Variants in MEIS1 observed in about 807,000 individuals in gnomAD.
The protein encoded by MEIS1 is homeobox protein Meis1.
In MEIS1, 5 loss-of-function variants were observed where a neutral mutation model predicts 50.8. The ratio of observed to expected loss-of-function variants is 0.10; its 90% CI spans 0.05 to 0.21. The LOEUF is 0.21. Ranked by LOEUF, MEIS1 falls within the 10% of genes least tolerant of loss-of-function variation. MEIS1 has a pLI of 1.00. For synonymous variants in MEIS1, 176 were observed against 179.3 expected (o/e 0.98, Z 0.15); for missense variants, 318 against 517.3 (o/e 0.61, Z 3.74).
intron 8 of MEIS1, among the ~76,000 whole-genome samples, chr2:66,519,612 T>C (rs1383434129): frequency 6.6e-6 from 1 of 152,220 alleles, no homozygotes; most frequent in African/African-American, 2.4e-5. Context: ...TTTTTAGTCC[T>C]TGTTTTTCAT....
rs1460523883 is a variant in MEIS1 at position 66,573,735 on chromosome 2, T to C, written c.*2527T>C. ...TAGATGGGATTGTTTAAATCTCCCT[T>C]GTTGACCTAGTGGCAATTCTTCCTC... On this transcript the variant is annotated 3_prime_UTR_variant, in exon 13 of 13. Coordinates refer to ENST00000272369, the MANE Select transcript of MEIS1 (RefSeq NM_002398.3). 1.3e-5 allele frequency: 2 copies of C among 152,218 alleles called. No individual in the cohort carries two copies. The highest frequency in any genetic ancestry group is 2.9e-5 in the Non-Finnish European group (2 of 68,046). The allele number at this position is 152,218 out of a possible 1,614,324, so 9.4% of individuals were successfully genotyped here.
At chr2:66,446,279 G>C (rs145653325) in intron 6 of MEIS1, among the ~76,000 whole-genome samples, 3 of 152,330 alleles carry the variant, frequency 2.0e-5, no homozygotes, top group Non-Finnish European at 2.9e-5. Flanking sequence ...TGGCCACCCA[G>C]TTGCTAGACT....
intron 6 of MEIS1, among the ~76,000 whole-genome samples, chr2:66,453,591 G>T (rs1672324188): frequency 6.6e-6 from 1 of 151,952 alleles, no homozygotes; most frequent in South Asian, 2.1e-4. Flanking sequence ...ATTTAACGTT[G>T]TCAGTGGGCT....
chr2:66,456,656 CT>C (rs1558525328), intron 6 of MEIS1, among the ~76,000 whole-genome samples: 1 of 152,184 alleles, frequency 6.6e-6, no homozygotes, highest in Non-Finnish European at 1.5e-5. Flanking sequence ...AACAAGAACC[CT>C]GGCAGGGCTT....
chr2:66,571,799 T>TA lies in MEIS1; in HGVS notation c.*599dup, dbSNP rs1553383349. On this transcript the variant is annotated 3_prime_UTR_variant, in exon 13 of 13. Transcript: ENST00000272369. ...ATTACGTTGTTTCTTATAGATTTTT[T>TA]AAAAAAAATGTGAAATTTTTCCACA... 1.6e-4 allele frequency: 63 copies of TA among 391,218 alleles called. No individual in the cohort carries two copies. The highest frequency in any genetic ancestry group is 3.0e-4 in the East Asian group (5 of 16,504). The allele number at this position is 391,218 out of a possible 1,614,324, so 24.2% of individuals were successfully genotyped here.
chr2:66,454,668 TA>T (rs1672348825), intron 6 of MEIS1: 2 of 152,134 alleles, frequency 1.3e-5, no homozygotes, highest in African/African-American at 4.8e-5. Context: ...TTGTTTTATA[TA>T]AAACACTTTT....
At chr2:66,502,349 G>C (rs1673579188) in intron 7 of MEIS1, among the ~76,000 whole-genome samples, 1 of 152,106 alleles carries the variant, frequency 6.6e-6, no homozygotes, top group Non-Finnish European at 1.5e-5. Context: ...TTATAAGAAT[G>C]GCATCTGTTG....
chr2:66,571,308 C>T lies in MEIS1; in HGVS notation c.*100C>T. 6.3e-7 allele frequency: 1 copy of T among 1,598,600 alleles called. No individual in the cohort carries two copies. Among genetic ancestry groups the T allele is most frequent in the Non-Finnish European group, 8.5e-7 (1 of 1,172,566 alleles). On this transcript the variant is annotated 3_prime_UTR_variant, in exon 13 of 13. Transcript: ENST00000272369. ...TGGTCCAATGGGTGTGAGTATGGGA[C>T]AGCCAAGTTATACCCAACCCCAGAT...
chr2:66,546,509 G>A (rs1020020563), intron 8 of MEIS1, among the ~76,000 whole-genome samples: 2 of 152,148 alleles, frequency 1.3e-5, no homozygotes, highest in Non-Finnish European at 2.9e-5. Context: ...TGAAAGGGAA[G>A]CAGGAAATAT....
intron 9 of MEIS1, among the ~76,000 whole-genome samples, chr2:66,549,764 C>G (rs560142752): frequency 6.6e-6 from 1 of 152,084 alleles, no homozygotes; most frequent in Non-Finnish European, 1.5e-5. Flanking sequence ...GGGGATCTAT[C>G]CTGTGAGCCA....
chr2:66,568,848 G>A, intron 11 of MEIS1, 92 bp downstream of exon 11: 8 of 1,255,910 alleles, frequency 6.4e-6, no homozygotes, highest in Non-Finnish European at 8.2e-6. Context: ...ATCCTTTTCT[G>A]TTATCTCAAG....
chr2:66,515,549 G>A (rs1021783608), intron 8 of MEIS1, among the ~76,000 whole-genome samples: 1 of 152,104 alleles, frequency 6.6e-6, no homozygotes, highest in African/African-American at 2.4e-5. Flanking sequence ...TCACTCTTGG[G>A]CTCACAGTCT....
chr2:66,541,311 A>G (rs974771291), intron 8 of MEIS1, among the ~76,000 whole-genome samples: 4 of 152,174 alleles, frequency 2.6e-5, no homozygotes, highest in Admixed American at 2.0e-4. Flanking sequence ...TACTGGGATT[A>G]CAGGTGTGAG....
rs552269620 is a variant in MEIS1, at chr2:66,565,913, A to AT, written c.966-1532dup. Among the ~76,000 whole-genome samples, 725 of 152,076 alleles carry AT rather than the reference A, an allele frequency of 4.8e-3. 4 individuals are homozygous for AT. The highest frequency in any genetic ancestry group is 0.016 in the African/African-American group (656 of 41,482). On this transcript the variant is annotated intron_variant, in intron 9 of 12. Transcript: ENST00000272369. Reference sequence around the variant, plus strand: ...GTGAAGGCAGCTAATGAAAAAACAGATTTTTTTTCATTTTAATTGGTTATT... The same window carrying AT: ...GTGAAGGCAGCTAATGAAAAAACAGATTTTTTTTTCATTTTAATTGGTTATT...
intron 9 of MEIS1, among the ~76,000 whole-genome samples, chr2:66,556,247 CAAAT>C (rs1425704769): frequency 6.6e-6 from 1 of 152,132 alleles, no homozygotes; most frequent in Non-Finnish European, 1.5e-5. Context: ...TGAACAATAA[CAAAT>C]AAACAAAAGA....
intron 7 of MEIS1, among the ~76,000 whole-genome samples, chr2:66,468,743 C>A (rs953085557): frequency 1.3e-5 from 2 of 152,164 alleles, no homozygotes; most frequent in Non-Finnish European, 2.9e-5. Flanking sequence ...CTGAACCTGG[C>A]GCTGTGCTCC....
intron 7 of MEIS1, among the ~76,000 whole-genome samples, chr2:66,501,238 GT>G: frequency 6.6e-6 from 1 of 152,082 alleles, no homozygotes; most frequent in East Asian, 1.9e-4. Flanking sequence ...CTTTTGTACT[GT>G]TTTACCTTTG....
At chr2:66,509,525 T>A (rs1673771860) in intron 7 of MEIS1, among the ~76,000 whole-genome samples, 1 of 152,236 alleles carries the variant, frequency 6.6e-6, no homozygotes, top group Admixed American at 6.5e-5. Context: ...GCTAATGATG[T>A]AATAGAAACC....
At chr2:66,442,584 G>C (rs1338845812) in intron 5 of MEIS1, among the ~76,000 whole-genome samples, 1 of 152,118 alleles carries the variant, frequency 6.6e-6, no homozygotes, top group Non-Finnish European at 1.5e-5. Context: ...AAATTAAATA[G>C]TTTACCTTAA....
Sources: allele counts gnomAD v4.1 joint callset (sites outside exome capture counted in the v4.1 genomes callset), GRCh38; gene constraint gnomAD v4.1.1; transcripts MANE v1.5; gene names NCBI Gene and HGNC (gene_info 2026-07-23, HGNC 2026-07-21).